ZNF385D: variants seen among roughly 807,000 people sequenced by gnomAD.
The protein encoded by ZNF385D is zinc finger protein 659.
Under a neutral mutation model 35.8 loss-of-function variants are expected in ZNF385D, and 15 were observed. The observed-to-expected ratio is 0.42, with a 90% CI of 0.28 to 0.64. The LOEUF (loss-of-function observed/expected upper bound fraction) is 0.64. Among genes scored for constraint, ZNF385D ranks in the 30% least tolerant of loss-of-function variants. The pLI, the probability that ZNF385D is intolerant of heterozygous loss-of-function variation, is 0.23. For missense variants in ZNF385D, 474 were observed against 494.6 expected (o/e 0.96, Z 0.39); for synonymous variants, 212 against 186.8 (o/e 1.13, Z -1.10).
intron 3 of ZNF385D, among the ~76,000 whole-genome samples, chr3:21,860,460 A>G (rs1696985760): frequency 7.3e-6 from 1 of 136,162 alleles, no homozygotes; most frequent in African/African-American, 2.8e-5. Flanking sequence ...AAAACTCACA[A>G]TATTGACTAC....
intron 2 of ZNF385D, among the ~76,000 whole-genome samples, chr3:22,313,740 G>A (rs1703725968): frequency 6.6e-6 from 1 of 152,158 alleles, no homozygotes; most frequent in South Asian, 2.1e-4. Flanking sequence ...ACTACAGAAA[G>A]TGATTTTAAA....
intron 3 of ZNF385D, among the ~76,000 whole-genome samples, chr3:21,849,161 G>A (rs144251406): frequency 1.1e-4 from 17 of 152,010 alleles, no homozygotes; most frequent in East Asian, 3.9e-4. Context: ...CTAATTCAAC[G>A]CATTTTACTA....
chr3:21,905,351 G>C (rs896092323), intron 3 of ZNF385D, among the ~76,000 whole-genome samples: 1 of 151,808 alleles, frequency 6.6e-6, no homozygotes, highest in African/African-American at 2.4e-5. Context: ...TAAATACTCA[G>C]AGATAGCAGC....
chr3:22,319,675 A>T (rs1694308774), intron 2 of ZNF385D, among the ~76,000 whole-genome samples: 1 of 152,118 alleles, frequency 6.6e-6, no homozygotes, highest in Non-Finnish European at 1.5e-5. Flanking sequence ...CTGTGAAAAG[A>T]TGTCCTCCCA....
At chr3:21,950,785 A>G (rs1162908499) in intron 3 of ZNF385D, among the ~76,000 whole-genome samples, 1 of 151,738 alleles carries the variant, frequency 6.6e-6, no homozygotes, top group East Asian at 1.9e-4. Context: ...TTTTCCCAAC[A>G]CCACTTATTA....
intron 2 of ZNF385D, among the ~76,000 whole-genome samples, chr3:21,565,554 A>ATTCT (rs5847113): frequency 0.61 from 92,424 of 151,484 alleles, 29,171 homozygotes; most frequent in African/African-American, 0.79. Flanking sequence ...CTTGATCTTA[A>ATTCT]TTCTTTCATG....
chr3:22,298,823 T>C (rs2125408624), intron 2 of ZNF385D, among the ~76,000 whole-genome samples: 1 of 152,058 alleles, frequency 6.6e-6, no homozygotes, highest in South Asian at 2.1e-4. Context: ...CTTTATTTAA[T>C]GCAAAGTTTC....
intron 3 of ZNF385D, among the ~76,000 whole-genome samples, chr3:21,532,463 T>A (rs2061946778): frequency 6.6e-6 from 1 of 152,178 alleles, no homozygotes; most frequent in Non-Finnish European, 1.5e-5. Flanking sequence ...CACAATTAGC[T>A]GAATATGGAT....
intron 2 of ZNF385D, among the ~76,000 whole-genome samples, chr3:21,586,800 A>G (rs1011796919): frequency 2.0e-5 from 3 of 152,188 alleles, no homozygotes; most frequent in Non-Finnish European, 2.9e-5. Context: ...TCAGAAAATA[A>G]CCCAGAGTAA....
intron 1 of ZNF385D, among the ~76,000 whole-genome samples, chr3:21,739,728 T>A (rs1262711050): frequency 6.6e-6 from 1 of 152,196 alleles, no homozygotes; most frequent in Non-Finnish European, 1.5e-5. Context: ...GCAATAAAGA[T>A]GATCCATGGT....
chr3:21,425,776 A>G, intron 5 of ZNF385D, 106 bp from the exon 6 acceptor site: 1 of 1,030,794 alleles, frequency 9.7e-7, no homozygotes. Flanking sequence ...TATACCTTTA[A>G]GAAACAGTAC....
Position 22,085,722 on chromosome 3 carries a change from G to A in ZNF385D, c.325+83095C>T, listed in dbSNP as rs570888879. ...CATTTTATGAGGCCAGAATCATCCT[G>A]ATACCAAAACATGGCAGAGACACAA... On this transcript the variant is annotated intron_variant, in intron 3 of 5. Coordinates refer to the ZNF385D transcript ENST00000494108. Among the ~76,000 whole-genome samples, 7 of 152,236 alleles carry A rather than the reference G, an allele frequency of 4.6e-5. No individual in the cohort carries two copies. In the East Asian group the frequency reaches 1.4e-3, roughly 29 times the overall value.
chr3:21,786,592 G>A (rs2071699038), intron 3 of ZNF385D, among the ~76,000 whole-genome samples: 1 of 152,172 alleles, frequency 6.6e-6, no homozygotes, highest in Admixed American at 6.5e-5. Context: ...CCATCAGTAA[G>A]AAAAACAACT....
chr3:21,932,330 A>G (rs907648191), intron 3 of ZNF385D, among the ~76,000 whole-genome samples: 2 of 152,068 alleles, frequency 1.3e-5, no homozygotes, highest in Non-Finnish European at 2.9e-5. Context: ...GAACTAAGGA[A>G]AAAAGATTCA....
intron 3 of ZNF385D, among the ~76,000 whole-genome samples, chr3:22,144,267 G>A (rs2125708802): frequency 6.6e-6 from 1 of 152,208 alleles, no homozygotes; most frequent in South Asian, 2.1e-4. Flanking sequence ...TAAACTTGAA[G>A]AGATTTTATA....
At chr3:22,111,174 T>G (rs1316509263) in intron 3 of ZNF385D, among the ~76,000 whole-genome samples, 5 of 105,664 alleles carry the variant, frequency 4.7e-5, no homozygotes, top group South Asian at 3.3e-4. Context: ...TTTTTTTTTT[T>G]TTGTTTTTTT....
chr3:21,904,359 A>ACTATG (rs1175391677), intron 3 of ZNF385D, among the ~76,000 whole-genome samples: 1 of 151,766 alleles, frequency 6.6e-6, no homozygotes, highest in Non-Finnish European at 1.5e-5. Flanking sequence ...ATGCATTTTA[A>ACTATG]CTATGAAGAG....
chr3:21,610,329 T>A (rs1239114550), intron 2 of ZNF385D, among the ~76,000 whole-genome samples: 1 of 152,188 alleles, frequency 6.6e-6, no homozygotes, highest in Non-Finnish European at 1.5e-5. Context: ...TAGAGCAAGA[T>A]AATGATACTA....
chr3:21,422,834 A>G (rs1404456113), intron 7 of ZNF385D, among the ~76,000 whole-genome samples: 1 of 152,170 alleles, frequency 6.6e-6, no homozygotes, highest in Non-Finnish European at 1.5e-5. Flanking sequence ...GAGGGAACAC[A>G]TCTCAAAATA....
Sources: allele counts gnomAD v4.1 joint callset (sites outside exome capture counted in the v4.1 genomes callset), GRCh38; gene constraint gnomAD v4.1.1; transcripts MANE v1.5; gene names NCBI Gene and HGNC (gene_info 2026-07-23, HGNC 2026-07-21).